Variants in MRTFB observed in about 807,000 individuals in gnomAD.
The protein encoded by MRTFB is myocardin-related transcription factor B.
In MRTFB, 29 loss-of-function variants were observed where a neutral mutation model predicts 104.2. The ratio of observed to expected loss-of-function variants is 0.28; its 90% CI spans 0.21 to 0.38. The LOEUF (loss-of-function observed/expected upper bound fraction) is 0.38. Among genes scored for constraint, MRTFB ranks in the 10% least tolerant of loss-of-function variants. The pLI is 1.00. For missense variants in MRTFB, 1,270 were observed against 1,341.6 expected, an observed-to-expected ratio of 0.95 and a Z score of 0.83; for synonymous variants, 535 against 519.5, an observed-to-expected ratio of 1.03 and a Z score of -0.41.
At chr16:14,043,016 G>A in the MRTFB span, among the ~76,000 whole-genome samples, 7 of 152,178 alleles carry the variant, frequency 4.6e-5, no homozygotes, top group African/African-American at 1.4e-4. Flanking sequence ...CGGGTAGCCC[G>A]GAGCTTGGGC....
chr16:14,046,012 C>T, the MRTFB span, among the ~76,000 whole-genome samples: 3 of 152,128 alleles, frequency 2.0e-5, no homozygotes, highest in East Asian at 1.9e-4. Flanking sequence ...CTAAGTCATG[C>T]GGGATCTGAA....
rs1469699755 is a variant in MRTFB, at chr16:14,096,398, A to G, written c.-64+17044A>G. ...GCAACCTGAGATTTAGAAAAGGAAT[A>G]ACTATTTCTAAGGAATTCTGAAGCA... On this transcript the variant is annotated intron_variant, in intron 2 of 16. Coordinates refer to ENST00000571589, the MANE Select transcript of MRTFB (RefSeq NM_001308142.2). Among the ~76,000 whole-genome samples, 3 of 152,174 alleles carry G rather than the reference A, an allele frequency of 2.0e-5. No individual in the cohort carries two copies. The East Asian group carries it at 5.8e-4, about 29-fold the overall frequency.
chr16:14,003,636 GCCTGCCTCCCTC>G, the MRTFB span, among the ~76,000 whole-genome samples: 1 of 31,562 alleles, frequency 3.2e-5, no homozygotes, highest in Non-Finnish European at 9.6e-5. Context: ...CTGCCTGCCT[GCCTGCCTCCCTC>G]CCTCCCTCCC....
At chr16:14,107,261 A>G (rs2036030646) in intron 2 of MRTFB, among the ~76,000 whole-genome samples, 1 of 152,158 alleles carries the variant, frequency 6.6e-6, no homozygotes, top group Non-Finnish European at 1.5e-5. Context: ...AACGGAGGAA[A>G]AAGTCTTTTC....
chr16:14,060,942 C>A, the MRTFB span, among the ~76,000 whole-genome samples: 299 of 152,194 alleles, frequency 2.0e-3, no homozygotes, highest in African/African-American at 6.8e-3. Context: ...GTCAGGAGAT[C>A]GAGACCATCC....
At chr16:14,110,611 A>G (rs1284387090) in intron 2 of MRTFB, among the ~76,000 whole-genome samples, 1 of 152,138 alleles carries the variant, frequency 6.6e-6, no homozygotes, top group Admixed American at 6.5e-5. Context: ...TCCATTTTGC[A>G]GCAGCCACAC....
At chr16:13,999,192 A>G in the MRTFB span, among the ~76,000 whole-genome samples, 1 of 129,854 alleles carries the variant, frequency 7.7e-6, no homozygotes, top group Middle Eastern at 3.7e-3. Context: ...CTCTGTCTCC[A>G]AAAAAAAAAA....
At chr16:14,188,181 C>T (rs1026591640) in intron 3 of MRTFB, among the ~76,000 whole-genome samples, 1 of 152,182 alleles carries the variant, frequency 6.6e-6, no homozygotes, top group Admixed American at 6.5e-5. Context: ...GTTGCCTCTG[C>T]TTGTGCACGG....
intron 3 of MRTFB, among the ~76,000 whole-genome samples, chr16:14,162,339 C>G (rs563086773): frequency 1.3e-5 from 2 of 150,212 alleles, no homozygotes; most frequent in South Asian, 2.1e-4. Context: ...TTCCCCCTCT[C>G]TTTCCCCAAA....
intron 7 of MRTFB, among the ~76,000 whole-genome samples, chr16:14,218,305 C>A (rs748998578): frequency 6.6e-6 from 1 of 152,094 alleles, no homozygotes; most frequent in Non-Finnish European, 1.5e-5. Context: ...ATGATCCACC[C>A]GCCTCAGCCT....
the MRTFB span, among the ~76,000 whole-genome samples, chr16:14,036,251 CTATATAT>C: frequency 8.9e-6 from 1 of 112,096 alleles, no homozygotes; most frequent in South Asian, 2.8e-4. Flanking sequence ...ATATGTTATA[CTATATAT>C]TATATATATA....
chr16:14,074,587 A>G (rs2033923727), intron 1 of MRTFB, among the ~76,000 whole-genome samples: 1 of 152,230 alleles, frequency 6.6e-6, no homozygotes, highest in African/African-American at 2.4e-5. Context: ...GTGGTTGGCA[A>G]CTTTTCTTTC....
intron 7 of MRTFB, among the ~76,000 whole-genome samples, chr16:14,218,200 C>T (rs1412709102): frequency 6.6e-6 from 1 of 152,132 alleles, no homozygotes; most frequent in Non-Finnish European, 1.5e-5. Context: ...GCTGGGACTA[C>T]AGGCACCCGC....
intron 3 of MRTFB, among the ~76,000 whole-genome samples, chr16:14,182,733 A>T (rs1597176691): frequency 6.6e-6 from 1 of 152,150 alleles, no homozygotes; most frequent in East Asian, 1.9e-4. Flanking sequence ...TTGTGCCGGG[A>T]AGTAAGAAGG....
intron 14 of MRTFB, 118 bp downstream of exon 14, chr16:14,252,141 C>G: frequency 7.7e-7 from 1 of 1,295,498 alleles, no homozygotes; most frequent in East Asian, 2.3e-5. Flanking sequence ...GTTGAAAATA[C>G]AGTGATAACT....
chr16:14,107,877 G>A (rs1001644667), intron 2 of MRTFB, among the ~76,000 whole-genome samples: 4 of 152,230 alleles, frequency 2.6e-5, no homozygotes. Flanking sequence ...TAGAAGACAT[G>A]CCTGCCTTTG....
chr16:14,049,450 T>G, the MRTFB span, among the ~76,000 whole-genome samples: 1 of 152,254 alleles, frequency 6.6e-6, no homozygotes, highest in Non-Finnish European at 1.5e-5. Flanking sequence ...GCTTGGATTC[T>G]CTTTGCTAAA....
chr16:14,194,040 T>C (rs1399115334), intron 3 of MRTFB, among the ~76,000 whole-genome samples: 1 of 152,208 alleles, frequency 6.6e-6, no homozygotes, highest in African/African-American at 2.4e-5. Flanking sequence ...TCTAATTTAT[T>C]AAAAGCTTTC....
Position 14,245,620 on chromosome 16 carries a change from G to A in MRTFB, c.1172G>A (p.Arg391Lys). Residue 391 changes from arginine (R) to lysine (K), a missense_variant, in exon 11 of 17, where the codon AGA becomes AAA. Arg to Lys is a conservative substitution (Grantham distance 26, BLOSUM62 2). Coordinates refer to ENST00000571589, the MANE Select transcript of MRTFB (RefSeq NM_001308142.2). ...TPRQNTSTPVRKPGPLPSSLD... is the reference protein window; with the variant it reads ...TPRQNTSTPVKKPGPLPSSLD... ...AGACAGAATACATCTACTCCTGTGA[G>A]AAAGCCAGGACCTCTGCCTTCTAGC... is the stretch of plus-strand genomic sequence containing the variant. The A allele has an allele frequency of 6.2e-7, 1 of 1,614,036 alleles. No homozygotes were observed. The highest frequency in any genetic ancestry group is 8.5e-7 in the Non-Finnish European group (1 of 1,179,986).
Sources: allele counts gnomAD v4.1 joint callset (sites outside exome capture counted in the v4.1 genomes callset), GRCh38; gene constraint gnomAD v4.1.1; transcripts MANE v1.5; gene names NCBI Gene and HGNC (gene_info 2026-07-23, HGNC 2026-07-21).